Variants in MAPK8IP2 observed in about 807,000 individuals in gnomAD.
MAPK8IP2 encodes C-Jun-amino-terminal kinase-interacting protein 2.
A neutral mutation model predicts 75.6 loss-of-function variants in MAPK8IP2; 15 were observed. The ratio of observed to expected loss-of-function variants is 0.20; its 90% CI spans 0.13 to 0.31. The LOEUF (loss-of-function observed/expected upper bound fraction) is 0.31. Among genes scored for constraint, MAPK8IP2 ranks in the 10% least tolerant of loss-of-function variants. The pLI, the probability that MAPK8IP2 is intolerant of heterozygous loss-of-function variation, is 1.00. For missense variants in MAPK8IP2, 1,089 were observed against 1,211.2 expected (o/e 0.90, Z 1.50); for synonymous variants, 632 against 554.5 (o/e 1.14, Z -1.96).
intron 1 of MAPK8IP2, 84 bp downstream of exon 1, chr22:50,600,967 C>T (rs978635587): frequency 2.4e-6 from 1 of 412,760 alleles, no homozygotes; most frequent in Non-Finnish European, 3.4e-6. Flanking sequence ...ACCCCCGTCC[C>T]CGCCGCCCCA....
intron 4 of MAPK8IP2, 43 bp from the exon 5 acceptor site, chr22:50,603,798 C>A: frequency 6.5e-7 from 1 of 1,534,082 alleles, no homozygotes; most frequent in Non-Finnish European, 8.8e-7. Context: ...TGGAAGAGGC[C>A]TGGGTGGTGC....
chr22:50,602,369 G>A (rs1381385638), intron 2 of MAPK8IP2, among the ~76,000 whole-genome samples: 1 of 152,182 alleles, frequency 6.6e-6, no homozygotes, highest in Non-Finnish European at 1.5e-5. Context: ...ATTTATTGAA[G>A]AACATTTCTG....
At chr22:50,605,183 TG>T in intron 5 of MAPK8IP2, 119 bp downstream of exon 5, 1 of 1,289,638 alleles carries the variant, frequency 7.8e-7, no homozygotes, top group Non-Finnish European at 1.1e-6. Context: ...TGGTCAGGGC[TG>T]GGTGCCCTCT....
rs560222734 is a variant in MAPK8IP2, at chr22:50,605,223, T to C, written c.1766-145T>C. 15 of 1,090,662 alleles carry C rather than the reference T, an allele frequency of 1.4e-5. No individual in the cohort carries two copies. In the East Asian group the frequency reaches 1.5e-4, roughly 11 times the overall value. The allele number at this position is 1,090,662 out of a possible 1,614,324, so 67.6% of individuals were successfully genotyped here. On this transcript the variant is annotated intron_variant, in intron 5 of 11. Coordinates refer to ENST00000329492, the MANE Select transcript of MAPK8IP2 (RefSeq NM_012324.6). ...ACCCAGGACATGGCATGAGGTGGCC[T>C]GCTCTGCCTCAGCTCCTTCCCGCTC... is the stretch of plus-strand genomic sequence containing the variant.
rs1603444479 is a variant in MAPK8IP2, at chr22:50,610,482, G to T, written c.2402+172G>T. Among the ~76,000 whole-genome samples, 1 of 151,994 alleles carries T rather than the reference G, an allele frequency of 6.6e-6. No homozygotes were observed. The highest frequency in any genetic ancestry group is 2.1e-4 in the South Asian group (1 of 4,820). On this transcript the variant is annotated intron_variant, in intron 11 of 11. Transcript: ENST00000329492. The surrounding 1 kb of genome is among the most constrained non-coding windows in gnomAD (Gnocchi z 4.3). ...TGACAGTTTGGGGTGCTGGGCATGG[G>T]GTGGGAACAGGCACAGACACATGGC... is the stretch of plus-strand genomic sequence containing the variant.
At position 50,605,623 on chromosome 22, in the gene MAPK8IP2, G is replaced by A. The variant is rs758380235; in HGVS notation, c.1903G>A (p.Ala635Thr). 1.2e-6 allele frequency: 2 copies of A among 1,609,990 alleles called. No homozygotes were observed. The highest frequency in any genetic ancestry group is 1.7e-6 in the Non-Finnish European group (2 of 1,178,502). ...TGTGGATGACCCTGTGTTGGTGGAGGCCGAGGAGGACGACTTCTGGTTCCG... is the reference window on the plus strand; with the variant it reads ...TGTGGATGACCCTGTGTTGGTGGAGACCGAGGAGGACGACTTCTGGTTCCG... ...LDVDDPVLVEAEEDDFWFRGF... is the reference protein window; with the variant it reads ...LDVDDPVLVETEEDDFWFRGF... Residue 635 changes from alanine (A) to threonine (T), a missense_variant, in exon 7 of 12, where the codon GCC (alanine) becomes ACC (threonine). Around this residue, in one of 2 missense-constraint regions of MAPK8IP2, gnomAD observed 960 missense variants for 1,009.6 expected, o/e 0.95. Coordinates refer to ENST00000329492, the MANE Select transcript of MAPK8IP2 (RefSeq NM_012324.6).
At chr22:50,606,879 G>A (rs748982696) in intron 9 of MAPK8IP2, 42 bp from the exon 10 acceptor site, 10 of 1,603,094 alleles carry the variant, frequency 6.2e-6, no homozygotes, top group Non-Finnish European at 7.7e-6. Flanking sequence ...GGTGGCGCCA[G>A]GCCTCCTTTG....
At position 50,604,030 on chromosome 22, in the gene MAPK8IP2, G is replaced by A. The variant is rs745817142; in HGVS notation, c.731G>A (p.Arg244His). 15 of 1,549,298 alleles carry A rather than the reference G, an allele frequency of 9.7e-6. No individual in the cohort carries two copies. Among genetic ancestry groups the A allele is most frequent in the Admixed American group, 1.9e-5 (1 of 52,210 alleles). ...SRSSGGRGGR[R>H]SSQELSSPGS... is the part of the protein sequence containing the mutation. ...TCGAGCGGCGGCCGCGGGGGACGTCGCAGCAGCCAGGAGCTGTCCTCGCCC... is the reference window on the plus strand; with the variant it reads ...TCGAGCGGCGGCCGCGGGGGACGTCACAGCAGCCAGGAGCTGTCCTCGCCC... Residue 244 changes from arginine (R) to histidine (H), a missense_variant, in exon 5 of 12, where the codon CGC becomes CAC. This residue lies in a region of MAPK8IP2 where 960 missense variants were observed against 1,009.6 expected (regional missense o/e 0.95). Coordinates refer to ENST00000329492, the MANE Select transcript of MAPK8IP2 (RefSeq NM_012324.6).
intron 8 of MAPK8IP2, 59 bp from the exon 9 acceptor site, chr22:50,606,599 G>A (rs2071054406): frequency 1.7e-6 from 2 of 1,210,360 alleles, no homozygotes; most frequent in Non-Finnish European, 2.4e-6. Flanking sequence ...CCCACCAAGG[G>A]GAAAGAAAGG....
rs749514444 is a variant in MAPK8IP2 at position 50,606,727 on chromosome 22, C to T, written c.2194C>T (p.Arg732Trp). The part of the protein sequence containing the change: ...PASCDLEISL[R>W]GVKLSLSGGG... ...CTCCTGTGACCTCGAGATCTCTCTT[C>T]GGGGGGTCAAGCTGAGTCTGAGCGG... The change falls in exon 9 of 12, where the codon CGG becomes TGG. Residue 732 changes from arginine to tryptophan, a missense_variant. Physicochemically the swap from Arg to Trp is moderately radical, Grantham distance 101. Coordinates refer to ENST00000329492, the MANE Select transcript of MAPK8IP2 (RefSeq NM_012324.6). The T allele has an allele frequency of 9.4e-6, 15 of 1,590,536 alleles. No homozygotes were observed. The Admixed American group carries it at 1.1e-4, about 11-fold the overall frequency.
intron 5 of MAPK8IP2, 25 bp downstream of exon 5, chr22:50,605,089 G>A (rs1380091378): frequency 1.4e-5 from 22 of 1,611,670 alleles, no homozygotes; most frequent in Non-Finnish European, 1.9e-5. Flanking sequence ...GGGAAAAGGG[G>A]GGTGGCCCAG....
At position 50,610,310 on chromosome 22, in the gene MAPK8IP2, G is replaced by A. The variant is rs1457414068; in HGVS notation, c.2402G>A (p.Gly801Asp). 1.3e-6 allele frequency: 2 copies of A among 1,599,258 alleles called. No individual in the cohort carries two copies. Among genetic ancestry groups the A allele is most frequent in the Non-Finnish European group, 1.7e-6 (2 of 1,172,920 alleles). Reference protein sequence around the residue: ...ESMRPVAQSVGRAFLEYYQEH... With the variant: ...ESMRPVAQSVDRAFLEYYQEH... ...ATGAGGCCGGTGGCGCAGAGTGTGG[G>A]GTGAGTGGGGCCCCAGGGTGTGGGT... The change falls in exon 11 of 12, where the codon GGC becomes GAC. Residue 801 changes from glycine (G) to aspartate (D), a missense_variant and splice_region_variant. This residue lies in a region of MAPK8IP2 where 129 missense variants were observed against 201.7 expected (regional missense o/e 0.64). Transcript: ENST00000329492. This position sits in a 1 kb window ranked among gnomAD's most constrained non-coding sequence, Gnocchi z 4.3.
rs2070997095 is a variant in MAPK8IP2 at position 50,604,194 on chromosome 22, G to A, written c.895G>A (p.Glu299Lys). The change falls in exon 5 of 12, where the codon GAG becomes AAG. Residue 299 changes from glutamate to lysine, a missense_variant. By Grantham distance (56) the Glu-to-Lys change is moderately conservative. Transcript: ENST00000329492. ...CTCGCACCTCACCAACTCCATCGAG[G>A]AGGCCTCGTCGCCCGCCTCGGAGCC... ...RSSHLTNSIE[E>K]ASSPASEPEP... 1 of 1,545,670 alleles carries A rather than the reference G, an allele frequency of 6.5e-7. No homozygotes were observed. Among genetic ancestry groups the A allele is most frequent in the Non-Finnish European group, 8.7e-7 (1 of 1,153,464 alleles).
rs943312556 is a variant in MAPK8IP2, at chr22:50,604,903, A to T, written c.1604A>T (p.Asp535Val). ...CGGCGCTGTGCTGGGCTGGGCCACG[A>T]CAGCGAAGAGGACAGCGGCGGGGAG... ...SLRRCAGLGH[D>V]SEEDSGGEAS... Residue 535 changes from aspartate to valine, a missense_variant, in exon 5 of 12, where the codon GAC becomes GTC. By Grantham distance (152) the Asp-to-Val change is radical (BLOSUM62 -3). Transcript: ENST00000329492. 1 of 1,609,942 alleles carries T rather than the reference A, an allele frequency of 6.2e-7. No individual in the cohort carries two copies. The highest frequency in any genetic ancestry group is 8.5e-7 in the Non-Finnish European group (1 of 1,178,862).
Position 50,611,891 on chromosome 22 carries a change from C to G in MAPK8IP2, c.*1112C>G, listed in dbSNP as rs2071157074. 6.6e-6 allele frequency: 1 copy of G among 152,280 alleles called. No homozygotes were observed. The highest frequency in any genetic ancestry group is 2.4e-5 in the African/African-American group (1 of 41,418). The allele number at this position is 152,280 out of a possible 1,614,324, so 9.4% of individuals were successfully genotyped here. ...ATGAACTCCTTGAAGAACAATCTGG[C>G]CGGGCACGGTGGCTCACGCTTGTAA... On this transcript the variant is annotated 3_prime_UTR_variant, in exon 12 of 12. Transcript: ENST00000329492. The surrounding 1 kb of genome is among the most constrained non-coding windows in gnomAD (Gnocchi z 5.5).
rs957207765 is a variant in MAPK8IP2, at chr22:50,612,170, T to G, written c.*1391T>G. On this transcript the variant is annotated 3_prime_UTR_variant, in exon 12 of 12. Coordinates refer to ENST00000329492, the MANE Select transcript of MAPK8IP2 (RefSeq NM_012324.6). ...CTGGGCGACAGAGGGAGACTCCGTC[T>G]CAGAAAAAGGAAAAGAAAAACAATC... 1 of 152,148 alleles carries G rather than the reference T, an allele frequency of 6.6e-6. No individual in the cohort carries two copies. Among genetic ancestry groups the G allele is most frequent in the Non-Finnish European group, 1.5e-5 (1 of 68,038 alleles). 9.4% of individuals were successfully genotyped at this position (152,148 alleles called of 1,614,324 possible). A position where few individuals can be genotyped will look rare whatever the true frequency, so the allele number is the denominator to read the frequency against.
At position 50,605,701 on chromosome 22, in the gene MAPK8IP2, C is replaced by T. The variant is rs1380083355; in HGVS notation, c.1981C>T (p.His661Tyr). The T allele has an allele frequency of 6.2e-7, 1 of 1,610,928 alleles. No homozygotes were observed. Among genetic ancestry groups the T allele is most frequent in the Non-Finnish European group, 8.5e-7 (1 of 1,178,902 alleles). Residue 661 changes from histidine to tyrosine, a missense_variant, in exon 7 of 12, where the codon CAT becomes TAT. Physicochemically the swap from His to Tyr is moderately conservative, Grantham distance 83 (BLOSUM62 2). Transcript: ENST00000329492. ...CGGTGTGTTTCCTGCCTTCTACGCC[C>T]ATGCGGTGCCCGGCCCTGCCAAGGA... ...ERGVFPAFYA[H>Y]AVPGPAKDLL...
Position 50,605,941 on chromosome 22 carries a change from G to A in MAPK8IP2, c.2124+7G>A. 6.4e-7 allele frequency: 1 copy of A among 1,559,020 alleles called. No individual in the cohort carries two copies. The highest frequency in any genetic ancestry group is 8.7e-7 in the Non-Finnish European group (1 of 1,154,914). Reference sequence around the variant, plus strand: ...GTGTGCAGCCATGCAGAAGGTCAGTGTGGAGGCCGGGCAAGTGCAGGCTGA... The same window carrying A: ...GTGTGCAGCCATGCAGAAGGTCAGTATGGAGGCCGGGCAAGTGCAGGCTGA... On this transcript the variant is annotated splice_region_variant and intron_variant, in intron 8 of 11. Coordinates refer to ENST00000329492, the MANE Select transcript of MAPK8IP2 (RefSeq NM_012324.6).
intron 10 of MAPK8IP2, among the ~76,000 whole-genome samples, chr22:50,608,244 C>T (rs1373359975): frequency 6.6e-6 from 1 of 152,118 alleles, no homozygotes; most frequent in Non-Finnish European, 1.5e-5. Context: ...GGAAACGCTG[C>T]TCAGTGGGGT....
Sources: gnomAD v4.1 joint callset for allele counts (sites outside exome capture counted in the v4.1 genomes callset) on GRCh38, gnomAD v4.1.1 for gene constraint, gnomAD v4.1.1 regional missense constraint, Gnocchi (gnomAD v3.1) non-coding constraint, MANE v1.5 for transcripts, NCBI Gene and HGNC (gene_info 2026-07-23, HGNC 2026-07-21) for gene names.